GPC5: variants seen among roughly 807,000 people sequenced by gnomAD.
GPC5 encodes the protein glypican 5.
In GPC5, 47 loss-of-function variants were observed where a neutral mutation model predicts 53.9. The observed-to-expected ratio is 0.87, with a 90% CI of 0.69 to 1.11. The LOEUF (loss-of-function observed/expected upper bound fraction) is 1.11, where lower values mean the gene tolerates loss of function less well. GPC5 is among the 50% of genes most tolerant of loss of function. GPC5 has a pLI of 0.00. For missense variants in GPC5, 748 were observed against 713.1 expected, an observed-to-expected ratio of 1.05 and a Z score of -0.56; for synonymous variants, 286 against 263.3, an observed-to-expected ratio of 1.09 and a Z score of -0.84.
chr13:92,527,534 T>C (rs1881409175), intron 7 of GPC5, among the ~76,000 whole-genome samples: 1 of 151,824 alleles, frequency 6.6e-6, no homozygotes, highest in Non-Finnish European at 1.5e-5. Context: ...AAGAGTAAAA[T>C]CACGGCAGTA....
In GPC5 at chr13:92,174,654, T is replaced by A. The variant is rs528407559; in HGVS notation, c.1561+29665T>A. 2.0e-5 allele frequency among the ~76,000 whole-genome samples: 3 copies of A among 152,210 alleles called. No individual in the cohort carries two copies. The South Asian group carries it at 6.2e-4, about 32-fold the overall frequency. ...TTCTTTACTTAAAAACAGCAAAAAG[T>A]ATTAATCACTTTATTGAGCACCTTG... On this transcript the variant is annotated intron_variant, in intron 7 of 7. Transcript: ENST00000377067.
intron 7 of GPC5, among the ~76,000 whole-genome samples, chr13:92,552,103 G>T (rs1261347234): frequency 1.3e-5 from 2 of 151,840 alleles, no homozygotes; most frequent in African/African-American, 4.8e-5. Context: ...TTTTAACTTT[G>T]AGAATTTGGT....
intron 7 of GPC5, among the ~76,000 whole-genome samples, chr13:92,381,889 T>TCATATATAATCATATATATGA (rs753025655): frequency 4.9e-5 from 6 of 122,178 alleles, no homozygotes; most frequent in African/African-American, 1.2e-4. Flanking sequence ...ATTATATATA[T>TCATATATAATCATATATATGA]TATATATAAT....
chr13:92,017,251 C>T (rs988710013), intron 6 of GPC5, among the ~76,000 whole-genome samples: 1 of 152,156 alleles, frequency 6.6e-6, no homozygotes, highest in African/African-American at 2.4e-5. Flanking sequence ...AGGACTTCCA[C>T]TGACTTTTCC....
intron 2 of GPC5, among the ~76,000 whole-genome samples, chr13:91,539,816 T>A (rs953802821): frequency 2.0e-5 from 3 of 152,102 alleles, no homozygotes; most frequent in Admixed American, 6.5e-5. Flanking sequence ...ATATATATGT[T>A]TAGATACAAC....
intron 6 of GPC5, among the ~76,000 whole-genome samples, chr13:91,933,607 G>C (rs764729249): frequency 6.6e-6 from 1 of 151,852 alleles, no homozygotes. Context: ...TATGCCACAC[G>C]TCCAAGTTTT....
At chr13:91,845,065 A>C (rs1369449160) in intron 5 of GPC5, among the ~76,000 whole-genome samples, 2 of 152,202 alleles carry the variant, frequency 1.3e-5, no homozygotes, top group Non-Finnish European at 2.9e-5. Context: ...TTGTCATTTT[A>C]GGGTAGCTCT....
chr13:91,731,931 T>C (rs2036708056), intron 4 of GPC5, among the ~76,000 whole-genome samples: 1 of 152,226 alleles, frequency 6.6e-6, no homozygotes, highest in African/African-American at 2.4e-5. Flanking sequence ...TAGTCTATAA[T>C]TGATGGACAT....
At chr13:91,697,485 A>G (rs888611987) in intron 3 of GPC5, among the ~76,000 whole-genome samples, 1 of 152,184 alleles carries the variant, frequency 6.6e-6, no homozygotes, top group Non-Finnish European at 1.5e-5. Context: ...TTTATTTCTT[A>G]GGGGTGTAGA....
At chr13:91,510,298 C>T (rs79234127) in intron 2 of GPC5, among the ~76,000 whole-genome samples, 11,192 of 152,044 alleles carry the variant, frequency 0.074, 502 homozygotes, top group Middle Eastern at 0.13. Context: ...GTTTAATGCA[C>T]GGAACAAGCT....
chr13:92,098,619 G>A (rs2041440362), intron 6 of GPC5, among the ~76,000 whole-genome samples: 1 of 152,172 alleles, frequency 6.6e-6, no homozygotes, highest in Non-Finnish European at 1.5e-5. Context: ...TTGAATCTCT[G>A]GAACTTGGAT....
intron 7 of GPC5, among the ~76,000 whole-genome samples, chr13:92,195,507 A>T (rs920179135): frequency 6.6e-6 from 1 of 152,074 alleles, no homozygotes; most frequent in African/African-American, 2.4e-5. Flanking sequence ...TCAAACCCAA[A>T]TTTTTTTGGA....
At chr13:91,905,951 T>C (rs1238364894) in intron 5 of GPC5, among the ~76,000 whole-genome samples, 4 of 152,220 alleles carry the variant, frequency 2.6e-5, no homozygotes, top group African/African-American at 7.2e-5. Flanking sequence ...ATGACTTGTA[T>C]AGTGGTGAAG....
chr13:92,015,788 T>C (rs1282432709), intron 6 of GPC5, among the ~76,000 whole-genome samples: 1 of 152,208 alleles, frequency 6.6e-6, no homozygotes, highest in Non-Finnish European at 1.5e-5. Context: ...TATGTATATA[T>C]AGCAATTATT....
chr13:92,540,639 G>T (rs946978627), intron 7 of GPC5, among the ~76,000 whole-genome samples: 1 of 151,794 alleles, frequency 6.6e-6, no homozygotes, highest in Non-Finnish European at 1.5e-5. Flanking sequence ...CTATTTCATT[G>T]ATTAGGAAAA....
intron 6 of GPC5, among the ~76,000 whole-genome samples, chr13:92,109,069 T>TG (rs1168336065): frequency 6.9e-6 from 1 of 144,516 alleles, no homozygotes; most frequent in East Asian, 2.0e-4. Flanking sequence ...TGGTTTTTTT[T>TG]TTTTTTTTTT....
At chr13:92,464,442 A>AT (rs915499569) in intron 7 of GPC5, among the ~76,000 whole-genome samples, 9 of 151,956 alleles carry the variant, frequency 5.9e-5, no homozygotes, top group African/African-American at 9.6e-5. Flanking sequence ...TAAACTCCAT[A>AT]TTTTTTTTGT....
At chr13:91,509,190 C>G (rs1224308861) in intron 2 of GPC5, among the ~76,000 whole-genome samples, 1 of 151,836 alleles carries the variant, frequency 6.6e-6, no homozygotes, top group African/African-American at 2.4e-5. Context: ...CCCAAAATTG[C>G]AGGTATAGTA....
intron 5 of GPC5, among the ~76,000 whole-genome samples, chr13:91,823,063 A>G (rs2038520860): frequency 6.6e-6 from 1 of 152,152 alleles, no homozygotes; most frequent in Admixed American, 6.6e-5. Context: ...AGACCAAGTC[A>G]GTATCACTAT....
Sources: gnomAD v4.1 joint callset for allele counts (sites outside exome capture counted in the v4.1 genomes callset) on GRCh38, gnomAD v4.1.1 for gene constraint, MANE v1.5 for transcripts, NCBI Gene and HGNC (gene_info 2026-07-23, HGNC 2026-07-21) for gene names.